PAPPA2: variants seen among roughly 807,000 people sequenced by gnomAD.
PAPPA2 encodes pappalysin 2.
A neutral mutation model predicts 176.4 loss-of-function variants in PAPPA2; 86 were observed. The observed-to-expected ratio is 0.49, with a 90% CI of 0.41 to 0.58. The LOEUF is 0.58. PAPPA2 is among the 20% of genes least tolerant of loss of function. The pLI, the probability that PAPPA2 is intolerant of heterozygous loss-of-function variation, is 0.00. For missense variants in PAPPA2, 2,073 were observed against 2,256.9 expected (o/e 0.92, Z 1.65); for synonymous variants, 809 against 852.2 (o/e 0.95, Z 0.88).
At chr1:176,752,900 C>T (rs1045072646) in intron 14 of PAPPA2, among the ~76,000 whole-genome samples, 2 of 152,254 alleles carry the variant, frequency 1.3e-5, no homozygotes, top group African/African-American at 4.8e-5. Flanking sequence ...TTGAGAAGGT[C>T]GATCTGCTGG....
At chr1:176,823,403 A>G (rs748346848) in intron 21 of PAPPA2, among the ~76,000 whole-genome samples, 3 of 152,240 alleles carry the variant, frequency 2.0e-5, no homozygotes, top group Non-Finnish European at 4.4e-5. Flanking sequence ...AAGGTAGATC[A>G]TTAGATCTCT....
At chr1:176,838,388 C>A (rs1256225549) in intron 21 of PAPPA2, among the ~76,000 whole-genome samples, 2 of 151,976 alleles carry the variant, frequency 1.3e-5, no homozygotes, top group African/African-American at 4.8e-5. Flanking sequence ...TTTTTATAGA[C>A]AATTACATGG....
intron 3 of PAPPA2, among the ~76,000 whole-genome samples, chr1:176,659,468 A>C (rs545742442): frequency 9.4e-4 from 143 of 152,086 alleles, no homozygotes; most frequent in African/African-American, 3.2e-3. Context: ...ATTAGGGCCC[A>C]CTCTAATGAC....
rs1325229381 is a variant in PAPPA2 at position 176,769,725 on chromosome 1, A to G, written c.4442A>G (p.Glu1481Gly). ...AACTATGCAAACTTCTCCTGCTCAG[A>G]GGGAACCAAATTTCTGAAACGCTGC... Reference protein sequence around the residue: ...LVNYANFSCSEGTKFLKRCSI... With the variant: ...LVNYANFSCSGGTKFLKRCSI... The change falls in exon 16 of 23, where the codon GAG becomes GGG. Residue 1481 changes from glutamate to glycine, a missense_variant. Around this residue, in one of 4 missense-constraint regions of PAPPA2, gnomAD observed 846 missense variants for 857.9 expected, o/e 0.99. Transcript: ENST00000367662. 8.1e-6 allele frequency: 13 copies of G among 1,613,306 alleles called. No individual in the cohort carries two copies. In the Admixed American group the frequency reaches 2.2e-4, roughly 27 times the overall value.
chr1:176,643,516 T>C (rs1177645527), intron 3 of PAPPA2, among the ~76,000 whole-genome samples: 1 of 151,740 alleles, frequency 6.6e-6, no homozygotes, highest in East Asian at 1.9e-4. Context: ...TATACCATCA[T>C]AGTTTGCAGA....
At chr1:176,617,822 G>A (rs1216884734) in intron 3 of PAPPA2, among the ~76,000 whole-genome samples, 1 of 152,112 alleles carries the variant, frequency 6.6e-6, no homozygotes, top group African/African-American at 2.4e-5. Flanking sequence ...TGGGATTGCT[G>A]GATTAGGTCC....
intron 12 of PAPPA2, among the ~76,000 whole-genome samples, chr1:176,716,556 C>T (rs1230442684): frequency 6.6e-5 from 10 of 150,828 alleles, no homozygotes. Context: ...TTAATCGAAC[C>T]TCTTAAGAAA....
chr1:176,746,289 A>G (rs868553438), intron 14 of PAPPA2, among the ~76,000 whole-genome samples: 2 of 152,260 alleles, frequency 1.3e-5, no homozygotes, highest in South Asian at 4.1e-4. Context: ...GAGAGGCAAT[A>G]AGTTGATAAC....
intron 3 of PAPPA2, among the ~76,000 whole-genome samples, chr1:176,648,326 G>GT (rs1235147966): frequency 2.0e-5 from 3 of 151,428 alleles, no homozygotes; most frequent in Admixed American, 6.6e-5. Context: ...AGTTCTAACA[G>GT]TTTTTTGGTG....
intron 1 of PAPPA2, among the ~76,000 whole-genome samples, chr1:176,504,588 C>A (rs1205120932): frequency 6.6e-6 from 1 of 152,112 alleles, no homozygotes; most frequent in African/African-American, 2.4e-5. Context: ...TAGCTGCGTT[C>A]CCTGATGCTG....
At chr1:176,569,417 T>C (rs1652184700) in intron 2 of PAPPA2, among the ~76,000 whole-genome samples, 1 of 152,242 alleles carries the variant, frequency 6.6e-6, no homozygotes, top group African/African-American at 2.4e-5. Context: ...TGACATCTCT[T>C]TCAGGAACTC....
intron 2 of PAPPA2, among the ~76,000 whole-genome samples, chr1:176,581,644 T>C (rs962165587): frequency 6.6e-6 from 1 of 152,148 alleles, no homozygotes; most frequent in Admixed American, 6.5e-5. Flanking sequence ...ATCAGTGTGT[T>C]GTAGTTTTCC....
chr1:176,501,202 C>A (rs544586715), intron 1 of PAPPA2, among the ~76,000 whole-genome samples: 113 of 151,846 alleles, frequency 7.4e-4, no homozygotes, highest in African/African-American at 2.7e-3. Context: ...AAGCAAATTC[C>A]CAGACTTAAT....
chr1:176,810,265 C>G (rs754363162), intron 21 of PAPPA2, among the ~76,000 whole-genome samples: 1 of 152,088 alleles, frequency 6.6e-6, no homozygotes, highest in Non-Finnish European at 1.5e-5. Flanking sequence ...ATCCATAGAG[C>G]TCAGATGCTC....
intron 21 of PAPPA2, among the ~76,000 whole-genome samples, chr1:176,828,409 C>T (rs188415377): frequency 2.0e-5 from 3 of 151,780 alleles, no homozygotes; most frequent in Non-Finnish European, 2.9e-5. Context: ...TTCCTTATAC[C>T]GGAAGGTTTC....
chr1:176,756,211 T>G (rs1663412376), intron 14 of PAPPA2, among the ~76,000 whole-genome samples: 2 of 152,156 alleles, frequency 1.3e-5, no homozygotes. Context: ...CACCTCAGCC[T>G]CCCAAAGTGT....
intron 2 of PAPPA2, among the ~76,000 whole-genome samples, chr1:176,564,636 C>A (rs180966624): frequency 6.6e-6 from 1 of 151,988 alleles, no homozygotes; most frequent in Non-Finnish European, 1.5e-5. Context: ...AACAGAACTT[C>A]CCAGATATTT....
chr1:176,683,044 T>C (rs1659663741), intron 4 of PAPPA2, among the ~76,000 whole-genome samples: 1 of 151,364 alleles, frequency 6.6e-6, no homozygotes, highest in Non-Finnish European at 1.5e-5. Flanking sequence ...ATTTATTTAT[T>C]TATTTATTTA....
Position 176,556,629 on chromosome 1 carries a change from G to A in PAPPA2, c.307G>A (p.Ala103Thr), listed in dbSNP as rs1232786665. Reference sequence around the variant, plus strand: ...CAGCAAACCAGACACTGAAGGAAATGCTGTGAGCCTTGTTCCCCCAGACCT... The same window carrying A: ...CAGCAAACCAGACACTGAAGGAAATACTGTGAGCCTTGTTCCCCCAGACCT... ...GRSKPDTEGN[A>T]VSLVPPDLTE... Residue 103 changes from alanine to threonine, a missense_variant, in exon 2 of 23, where the codon GCT (alanine) becomes ACT (threonine). Around this residue, in one of 4 missense-constraint regions of PAPPA2, gnomAD observed 1,196 missense variants for 1,330.4 expected, o/e 0.90. Coordinates refer to ENST00000367662, the MANE Select transcript of PAPPA2 (RefSeq NM_020318.3). The A allele has an allele frequency of 2.5e-6, 4 of 1,614,106 alleles. No homozygotes were observed. The highest frequency in any genetic ancestry group is 3.4e-6 in the Non-Finnish European group (4 of 1,180,054).
Sources: allele counts gnomAD v4.1 joint callset (sites outside exome capture counted in the v4.1 genomes callset), GRCh38; gene constraint gnomAD v4.1.1; regional missense constraint gnomAD v4.1.1; transcripts MANE v1.5; gene names NCBI Gene and HGNC (gene_info 2026-07-23, HGNC 2026-07-21).